The following PNKD variants were observed in gnomAD, a reference collection of about 807,000 sequenced individuals.
PNKD encodes probable thioesterase PNKD.
Under a neutral mutation model 45.3 loss-of-function variants are expected in PNKD, and 36 were observed. That is an observed-to-expected ratio of 0.80 (90% CI 0.61 to 1.05). The LOEUF (loss-of-function observed/expected upper bound fraction) is 1.05, where lower values mean the gene tolerates loss of function less well. Among genes scored for constraint, PNKD ranks in the 50% least tolerant of loss-of-function variants. The pLI, the probability that PNKD is intolerant of heterozygous loss-of-function variation, is 0.00. For missense variants in PNKD, 511 were observed against 506.6 expected, an observed-to-expected ratio of 1.01 and a Z score of -0.08; for synonymous variants, 197 against 210.1, an observed-to-expected ratio of 0.94 and a Z score of 0.54.
chr2:218,306,127 G>A (rs1693396512), intron 2 of PNKD, among the ~76,000 whole-genome samples: 1 of 152,212 alleles, frequency 6.6e-6, no homozygotes, highest in Non-Finnish European at 1.5e-5. Flanking sequence ...CAGGCTGGCA[G>A]ACGGGACACA....
intron 2 of PNKD, chr2:218,281,122 GT>G (rs1559504614): frequency 9.1e-5 from 1 of 11,040 alleles, no homozygotes; most frequent in Non-Finnish European, 2.8e-4. Context: ...GTTTTGTTTT[GT>G]TTTTTGTTTT....
At chr2:218,308,188 AT>A (rs36099207) in intron 2 of PNKD, among the ~76,000 whole-genome samples, 5,093 of 137,500 alleles carry the variant, frequency 0.037, 80 homozygotes, top group Middle Eastern at 0.044. Flanking sequence ...AGCATTTTAG[AT>A]TTTTTTTTTT....
chr2:218,292,789 G>C (rs950383085), intron 2 of PNKD, among the ~76,000 whole-genome samples: 5 of 152,232 alleles, frequency 3.3e-5, no homozygotes, highest in Non-Finnish European at 5.9e-5. Context: ...AGGGGGAAGC[G>C]TTCGCTTTGG....
chr2:218,306,552 G>A (rs1407942589), intron 2 of PNKD, among the ~76,000 whole-genome samples: 2 of 152,140 alleles, frequency 1.3e-5, no homozygotes, highest in South Asian at 2.1e-4. Context: ...CCAGTCCCTC[G>A]TGGAGAGAAA....
chr2:218,275,218 G>A (rs1173795948), intron 2 of PNKD: 1 of 372,742 alleles, frequency 2.7e-6, no homozygotes. Flanking sequence ...ACAGTAGGTG[G>A]CGGGGAGAAG....
intron 2 of PNKD, among the ~76,000 whole-genome samples, chr2:218,291,067 C>A (rs927607883): frequency 3.9e-5 from 6 of 152,172 alleles, no homozygotes; most frequent in African/African-American, 1.2e-4. Context: ...AGGTAGACAG[C>A]GTCTGGCTGA....
At chr2:218,323,264 C>A in intron 2 of PNKD, 1 of 1,524,020 alleles carries the variant, frequency 6.6e-7, no homozygotes, top group African/African-American at 1.4e-5. Flanking sequence ...TGCCTGCCCC[C>A]AGCATGGCTT....
At chr2:218,331,826 A>G (rs1408209851) in intron 2 of PNKD, among the ~76,000 whole-genome samples, 3 of 152,232 alleles carry the variant, frequency 2.0e-5, no homozygotes, top group Admixed American at 6.5e-5. Context: ...ATGTCTCAGC[A>G]TAACAATACG....
At chr2:218,301,929 G>A (rs888079264) in intron 2 of PNKD, among the ~76,000 whole-genome samples, 1 of 152,186 alleles carries the variant, frequency 6.6e-6, no homozygotes, top group Non-Finnish European at 1.5e-5. Flanking sequence ...TACAGCCCCC[G>A]CTTTCTTGGA....
In PNKD at chr2:218,323,260, C is replaced by T. The variant is rs563287354; in HGVS notation, c.237-16523C>T. Reference sequence around the variant, plus strand: ...GCCCCGCCCGGCCGGCGCGTGCCTGCCCCCAGCATGGCTTGGCAGGGCTGG... The same window carrying T: ...GCCCCGCCCGGCCGGCGCGTGCCTGTCCCCAGCATGGCTTGGCAGGGCTGG... On this transcript the variant is annotated intron_variant, in intron 2 of 9. Coordinates refer to ENST00000273077, the MANE Select transcript of PNKD (RefSeq NM_015488.5). 5.3e-6 allele frequency: 8 copies of T among 1,505,742 alleles called. No homozygotes were observed. The East Asian group carries it at 2.2e-4, about 42-fold the overall frequency. The allele number at this position is 1,505,742 out of a possible 1,614,324, so 93.3% of individuals were successfully genotyped here.
chr2:218,343,397 G>T, intron 7 of PNKD, 103 bp from the exon 8 acceptor site: 2 of 925,210 alleles, frequency 2.2e-6, no homozygotes. Context: ...AGGGCTGACG[G>T]CCAGCCAGAG....
At chr2:218,281,391 C>G (rs28421739) in intron 2 of PNKD, among the ~76,000 whole-genome samples, 11,081 of 152,238 alleles carry the variant, frequency 0.073, 1,314 homozygotes, top group African/African-American at 0.25. Flanking sequence ...CTCGCCTCAG[C>G]CTCCCAGAGT....
At chr2:218,272,871 T>C (rs11114) in intron 2 of PNKD, 2 of 1,597,538 alleles carry the variant, frequency 1.3e-6, no homozygotes, top group Non-Finnish European at 1.7e-6. Flanking sequence ...CCCAGGCTGT[T>C]GCCAAACCCT....
In PNKD at chr2:218,275,913, G is replaced by A. The variant is rs1574624058; in HGVS notation, c.236+4364G>A. 4.8e-6 allele frequency: 6 copies of A among 1,261,360 alleles called. No individual in the cohort carries two copies. The East Asian group carries it at 1.5e-4, about 32-fold the overall frequency. 78.1% of individuals were successfully genotyped at this position (1,261,360 alleles called of 1,614,324 possible). ...TCTCTGGACAGTAGTGAGAGGAATG[G>A]CCTGCTATGGCCCCATTCCCTGCCT... On this transcript the variant is annotated intron_variant, in intron 2 of 9. Coordinates refer to ENST00000273077, the MANE Select transcript of PNKD (RefSeq NM_015488.5).
chr2:218,306,269 G>C (rs1189794634), intron 2 of PNKD, among the ~76,000 whole-genome samples: 1 of 152,180 alleles, frequency 6.6e-6, no homozygotes, highest in Non-Finnish European at 1.5e-5. Flanking sequence ...GAAACTGATG[G>C]CTAGGGGCTG....
chr2:218,277,341 A>G (rs1691323819), intron 2 of PNKD: 3 of 1,607,246 alleles, frequency 1.9e-6, no homozygotes, highest in Non-Finnish European at 2.6e-6. Context: ...TCGGGGGGCC[A>G]GGGAAGGGCC....
At chr2:218,270,748 C>T (rs1375525199) in intron 1 of PNKD, 146 bp downstream of exon 1, 1 of 421,542 alleles carries the variant, frequency 2.4e-6, no homozygotes, top group Non-Finnish European at 4.3e-6. Context: ...CAGAGATGCT[C>T]TTTAGAGGTC....
At chr2:218,325,198 CTTTTTTTTTTT>C (rs746439948) in intron 2 of PNKD, among the ~76,000 whole-genome samples, 3 of 39,758 alleles carry the variant, frequency 7.5e-5, no homozygotes, top group African/African-American at 1.2e-4. Context: ...CGCACCCGGC[CTTTTTTTTTTT>C]TTTTTTTTTT....
intron 2 of PNKD, among the ~76,000 whole-genome samples, chr2:218,320,460 G>A (rs768038116): frequency 6.6e-6 from 1 of 152,158 alleles, no homozygotes; most frequent in African/African-American, 2.4e-5. Flanking sequence ...CCCAACTACC[G>A]AGGAGGCTGA....
Sources: allele counts gnomAD v4.1 joint callset (sites outside exome capture counted in the v4.1 genomes callset), GRCh38; gene constraint gnomAD v4.1.1; transcripts MANE v1.5; gene names NCBI Gene and HGNC (gene_info 2026-07-23, HGNC 2026-07-21).